The following BST1 variants were observed in gnomAD, a reference collection of about 807,000 sequenced individuals.
BST1 encodes the protein ADP-ribosyl cyclase/cyclic ADP-ribose hydrolase 2.
BST1 carries 49 observed loss-of-function variants against 40.6 expected under a neutral mutation model. That is an observed-to-expected ratio of 1.21 (90% CI 0.96 to 1.53). The LOEUF is 1.53. Ranked by LOEUF, BST1 falls within the 40% of genes most tolerant of loss-of-function variation. The pLI is 0.00. For missense variants in BST1, 423 were observed against 395.9 expected (o/e 1.07, Z -0.58); for synonymous variants, 157 against 159.3 (o/e 0.99, Z 0.11).
Position 15,703,141 on chromosome 4 carries a change from C to A in BST1, c.-4C>A. The A allele has an allele frequency of 6.3e-7, 1 of 1,580,966 alleles. No homozygotes were observed. The highest frequency in any genetic ancestry group is 8.6e-7 in the Non-Finnish European group (1 of 1,166,140). Reference sequence around the variant, plus strand: ...CACGGGACTGGAGGGACCAAAGTTCCCCGATGGCGGCCCAGGGGTGCGCGG... The same window carrying A: ...CACGGGACTGGAGGGACCAAAGTTCACCGATGGCGGCCCAGGGGTGCGCGG... On this transcript the variant is annotated 5_prime_UTR_variant, in exon 1 of 9. Coordinates refer to ENST00000265016, the MANE Select transcript of BST1 (RefSeq NM_004334.3).
In BST1 at chr4:15,732,106, G is replaced by T; in HGVS notation, c.*261G>T. On this transcript the variant is annotated 3_prime_UTR_variant, in exon 9 of 9. Coordinates refer to ENST00000265016, the MANE Select transcript of BST1 (RefSeq NM_004334.3). ...TATTTGTATAATGACACAAAGCATT[G>T]GGAGTCAGACTGCTTGTATATTATC... 8.3e-7 allele frequency: 1 copy of T among 1,203,316 alleles called. No homozygotes were observed. The highest frequency in any genetic ancestry group is 1.0e-6 in the Non-Finnish European group (1 of 966,196). The allele number at this position is 1,203,316 out of a possible 1,614,324, so 74.5% of individuals were successfully genotyped here. A position where few individuals can be genotyped will look rare whatever the true frequency, so the allele number is the denominator to read the frequency against.
the BST1 span, among the ~76,000 whole-genome samples, chr4:15,765,462 T>G: frequency 6.6e-6 from 1 of 151,924 alleles, no homozygotes; most frequent in Non-Finnish European, 1.5e-5. Flanking sequence ...CCGTTTCTGC[T>G]CAACAAACAG....
intron 8 of BST1, among the ~76,000 whole-genome samples, chr4:15,727,113 T>C (rs915339543): frequency 6.6e-6 from 1 of 152,166 alleles, no homozygotes; most frequent in African/African-American, 2.4e-5. Flanking sequence ...TTGATTGTCA[T>C]CAATGATGCT....
chr4:15,745,664 A>G, the BST1 span, among the ~76,000 whole-genome samples: 1 of 152,202 alleles, frequency 6.6e-6, no homozygotes, highest in East Asian at 1.9e-4. Flanking sequence ...TGCTGCCTTC[A>G]AAATCCAGAG....
At chr4:15,720,728 G>C (rs1276177920) in intron 7 of BST1, among the ~76,000 whole-genome samples, 2 of 152,090 alleles carry the variant, frequency 1.3e-5, no homozygotes, top group East Asian at 3.8e-4. Context: ...GAGTTCAAGG[G>C]AACAGTGAGC....
the BST1 span, among the ~76,000 whole-genome samples, chr4:15,750,276 C>T: frequency 6.6e-6 from 1 of 152,156 alleles, no homozygotes; most frequent in Non-Finnish European, 1.5e-5. Flanking sequence ...TCACCAGCCT[C>T]AGCCTCTCAA....
the BST1 span, among the ~76,000 whole-genome samples, chr4:15,747,835 A>G: frequency 6.6e-6 from 1 of 152,044 alleles, no homozygotes; most frequent in African/African-American, 2.4e-5. Context: ...ATGCCCAGCT[A>G]ATATTTTAAA....
chr4:15,760,331 T>A, the BST1 span, among the ~76,000 whole-genome samples: 3 of 151,922 alleles, frequency 2.0e-5, no homozygotes, highest in Non-Finnish European at 2.9e-5. Flanking sequence ...ATTCATCAAT[T>A]AAGGATATTT....
At chr4:15,765,930 C>T in the BST1 span, among the ~76,000 whole-genome samples, 52 of 152,042 alleles carry the variant, frequency 3.4e-4, no homozygotes, top group Admixed American at 3.0e-3. Context: ...TTCTGGCAAC[C>T]GAATTTGTTT....
rs4498133 is a variant in BST1 at position 15,731,643 on chromosome 4, G to C, written c.852-97G>C. 12 of 1,460,588 alleles carry C rather than the reference G, an allele frequency of 8.2e-6. No homozygotes were observed. The African/African-American group carries it at 9.8e-5, about 12-fold the overall frequency. 90.5% of individuals were successfully genotyped at this position (1,460,588 alleles called of 1,614,324 possible). A position where few individuals can be genotyped will look rare whatever the true frequency, so the allele number is the denominator to read the frequency against. On this transcript the variant is annotated intron_variant, in intron 8 of 8. Transcript: ENST00000265016. ...TGCTGCTCATGGCTTCTCGCTCCGC[G>C]CTAACCAGAAAAGAGACTAATACTG...
At chr4:15,752,599 G>T in the BST1 span, among the ~76,000 whole-genome samples, 2 of 151,864 alleles carry the variant, frequency 1.3e-5, no homozygotes, top group Non-Finnish European at 2.9e-5. Context: ...TGTTGGTCAG[G>T]CTGGTCTCAA....
chr4:15,759,275 G>T, the BST1 span, among the ~76,000 whole-genome samples: 1 of 151,950 alleles, frequency 6.6e-6, no homozygotes, highest in Non-Finnish European at 1.5e-5. Context: ...AGATGGATGT[G>T]CTGCTCAAGG....
chr4:15,768,247 T>C, the BST1 span, among the ~76,000 whole-genome samples: 1 of 152,234 alleles, frequency 6.6e-6, no homozygotes, highest in South Asian at 2.1e-4. Flanking sequence ...TTTCAGGAAG[T>C]GAAATAAAAA....
the BST1 span, among the ~76,000 whole-genome samples, chr4:15,773,251 A>G: frequency 6.6e-6 from 1 of 152,234 alleles, no homozygotes; most frequent in African/African-American, 2.4e-5. Context: ...GGGAGAGGCA[A>G]GAGTCAAAGA....
the BST1 span, among the ~76,000 whole-genome samples, chr4:15,769,850 T>TC: frequency 2.7e-5 from 4 of 150,496 alleles, no homozygotes; most frequent in African/African-American, 9.9e-5. Context: ...AGTTTTTTGT[T>TC]TTTTTTTTAA....
rs1384886926 is a variant in BST1 at position 15,732,088 on chromosome 4, A to T, written c.*243A>T. 1 of 1,217,268 alleles carries T rather than the reference A, an allele frequency of 8.2e-7. No individual in the cohort carries two copies. Among genetic ancestry groups the T allele is most frequent in the Non-Finnish European group, 1.0e-6 (1 of 976,172 alleles). 75.4% of individuals were successfully genotyped at this position (1,217,268 alleles called of 1,614,324 possible). ...TAAAGCAAGTTATTTTCTTATTTGT[A>T]TAATGACACAAAGCATTGGGAGTCA... is the stretch of plus-strand genomic sequence containing the variant. On this transcript the variant is annotated 3_prime_UTR_variant, in exon 9 of 9. Coordinates refer to ENST00000265016, the MANE Select transcript of BST1 (RefSeq NM_004334.3).
At position 15,704,486 on chromosome 4, in the gene BST1, G is replaced by A. The variant is rs568475227; in HGVS notation, c.189-1029G>A. On this transcript the variant is annotated intron_variant, in intron 1 of 8. Transcript: ENST00000265016. ...TGTGTTTGTTCTAGAGGTGAGGGGTGTGTGTGTGTAGTCTAGAGGTGACAG... is the reference window on the plus strand; with the variant it reads ...TGTGTTTGTTCTAGAGGTGAGGGGTATGTGTGTGTAGTCTAGAGGTGACAG... 4.7e-5 allele frequency among the ~76,000 whole-genome samples: 7 copies of A among 149,990 alleles called. No homozygotes were observed. In the East Asian group the frequency reaches 1.2e-3, roughly 26 times the overall value.
At chr4:15,767,817 C>T in the BST1 span, among the ~76,000 whole-genome samples, 1 of 151,720 alleles carries the variant, frequency 6.6e-6, no homozygotes, top group East Asian at 1.9e-4. Context: ...GATGGAATTT[C>T]ACCATGTTGG....
the BST1 span, among the ~76,000 whole-genome samples, chr4:15,755,381 C>T: frequency 2.6e-5 from 4 of 152,272 alleles, no homozygotes; most frequent in Admixed American, 2.6e-4. Context: ...TCTTGATCCG[C>T]CCGCCTTGGC....
Sources: allele counts gnomAD v4.1 joint callset (sites outside exome capture counted in the v4.1 genomes callset), GRCh38; gene constraint gnomAD v4.1.1; transcripts MANE v1.5; gene names NCBI Gene and HGNC (gene_info 2026-07-23, HGNC 2026-07-21).